Variants in PRDX6 observed in about 807,000 individuals in gnomAD.
The protein encoded by PRDX6 is peroxiredoxin-6.
In PRDX6, 13 loss-of-function variants were observed where a neutral mutation model predicts 20.0. That is an observed-to-expected ratio of 0.65 (90% confidence interval 0.42 to 1.03). The LOEUF is 1.03. PRDX6 is among the 50% of genes least tolerant of loss of function. The pLI is 0.00. For synonymous variants in PRDX6, 85 were observed against 100.8 expected (o/e 0.84, Z 0.94); for missense variants, 203 against 276.9 (o/e 0.73, Z 1.89).
chr1:173,478,914 A>G (rs1658754659), intron 1 of PRDX6, among the ~76,000 whole-genome samples: 2 of 152,232 alleles, frequency 1.3e-5, no homozygotes, highest in Admixed American at 1.3e-4. Context: ...GCAGAAAAAT[A>G]CTTTAGAAAT....
chr1:173,481,576 C>A, intron 2 of PRDX6, 94 bp downstream of exon 2: 1 of 1,306,136 alleles, frequency 7.7e-7, no homozygotes, highest in Non-Finnish European at 1.1e-6. Context: ...TACAAGTAAG[C>A]CTTAGGTTCA....
At chr1:173,477,760 C>A (rs1658725576) in intron 1 of PRDX6, among the ~76,000 whole-genome samples, 1 of 152,232 alleles carries the variant, frequency 6.6e-6, no homozygotes, top group South Asian at 2.1e-4. Context: ...CTGGGCAAGG[C>A]CACGCCAAGG....
Position 173,481,574 on chromosome 1 carries a change from A to C in PRDX6, c.252+92A>C. 2.3e-6 allele frequency: 3 copies of C among 1,317,240 alleles called. No individual in the cohort carries two copies. In the South Asian group the frequency reaches 4.0e-5, roughly 18 times the overall value. 81.6% of individuals were successfully genotyped at this position (1,317,240 alleles called of 1,614,324 possible). ...TGGTTTTGAGGTTAAGGTACAAGTA[A>C]GCCTTAGGTTCAAAGTTCACTAATT... is the stretch of plus-strand genomic sequence containing the variant. On this transcript the variant is annotated intron_variant, in intron 2 of 4. Coordinates refer to ENST00000340385, the MANE Select transcript of PRDX6 (RefSeq NM_004905.3).
chr1:173,482,981 T>C (rs2101857918), intron 2 of PRDX6, among the ~76,000 whole-genome samples: 1 of 152,354 alleles, frequency 6.6e-6, no homozygotes, highest in South Asian at 2.1e-4. Context: ...TTCTTTTTAA[T>C]GCAAGATGAT....
In PRDX6 at chr1:173,477,475, C is replaced by G. The variant is rs757661278; in HGVS notation, c.78C>G (p.His26Gln). 1.2e-6 allele frequency: 2 copies of G among 1,605,476 alleles called. No homozygotes were observed. Among genetic ancestry groups the G allele is most frequent in the Admixed American group, 3.4e-5 (2 of 59,248 alleles). Residue 26 changes from histidine to glutamine, a missense_variant, in exon 1 of 5, where the codon CAC becomes CAG. By Grantham distance (24) the His-to-Gln change is conservative. Coordinates refer to ENST00000340385, the MANE Select transcript of PRDX6 (RefSeq NM_004905.3). Reference sequence around the variant, plus strand: ...CCACCGTCGGCCGCATCCGTTTCCACGACTTTCTGGGAGACTCGTAAGTGG... The same window carrying G: ...CCACCGTCGGCCGCATCCGTTTCCAGGACTTTCTGGGAGACTCGTAAGTGG... ...ANTTVGRIRF[H>Q]DFLGDSWGIL...
intron 4 of PRDX6, 35 bp from the exon 5 acceptor site, chr1:173,487,700 G>C (rs765936016): frequency 1.4e-5 from 22 of 1,611,796 alleles, no homozygotes; most frequent in Non-Finnish European, 1.8e-5. Flanking sequence ...TTCACTATGA[G>C]ATTGAATTTC....
intron 1 of PRDX6, 49 bp downstream of exon 1, chr1:173,477,541 C>T: frequency 7.0e-7 from 1 of 1,438,616 alleles, no homozygotes; most frequent in Non-Finnish European, 9.6e-7. Flanking sequence ...GCGCCGGACT[C>T]GGAGGTGCCT....
In PRDX6 at chr1:173,487,769, CT is replaced by C; in HGVS notation, c.582del (p.Glu195LysfsTer128). The stretch of plus-strand genomic sequence containing the variant: ...AGTGTGATGGTCCTTCCAACCATCC[CT>C]GAAGAAGAAGCCAAAAAACTTTTCC... The part of the protein sequence containing the change: ...GDSVMVLPTI[P>X]EEEAKKLFPK... On this transcript the variant is annotated frameshift_variant, in exon 5 of 5. Coordinates refer to ENST00000340385, the MANE Select transcript of PRDX6 (RefSeq NM_004905.3). LOFTEE classifies it high-confidence loss of function. The C allele has an allele frequency of 6.2e-7, 1 of 1,614,106 alleles. No homozygotes were observed. Among genetic ancestry groups the C allele is most frequent in the Non-Finnish European group, 8.5e-7 (1 of 1,179,998 alleles).
rs1658943749 is a variant in PRDX6 at position 173,488,635 on chromosome 1, G to A, written c.*772G>A. The stretch of plus-strand genomic sequence containing the variant: ...TTAGTGCCATGTGCCTTTCACACAG[G>A]GTTTGCATTTATCAGTCTGTTTTCC... On this transcript the variant is annotated 3_prime_UTR_variant, in exon 5 of 5. Coordinates refer to ENST00000340385, the MANE Select transcript of PRDX6 (RefSeq NM_004905.3). 6.6e-6 allele frequency: 1 copy of A among 152,174 alleles called. No individual in the cohort carries two copies. The highest frequency in any genetic ancestry group is 1.5e-5 in the Non-Finnish European group (1 of 68,042). The allele number at this position is 152,174 out of a possible 1,614,324, so 9.4% of individuals were successfully genotyped here.
chr1:173,481,303 G>A (rs1658796879), intron 1 of PRDX6, 23 bp from the exon 2 acceptor site: 2 of 1,604,358 alleles, frequency 1.2e-6, no homozygotes, highest in African/African-American at 2.7e-5. Flanking sequence ...ATTCAATTGT[G>A]ACCTTGTTTT....
intron 1 of PRDX6, 128 bp downstream of exon 1, chr1:173,477,620 A>C (rs1163844373): frequency 1.9e-5 from 15 of 770,496 alleles, no homozygotes; most frequent in Non-Finnish European, 3.1e-5. Flanking sequence ...CTTCCCCCGC[A>C]CTGGTTCCGG....
chr1:173,487,026 T>A (rs551378349), intron 4 of PRDX6, among the ~76,000 whole-genome samples: 59 of 152,348 alleles, frequency 3.9e-4, no homozygotes, highest in African/African-American at 1.4e-3. Flanking sequence ...TATGTACTTA[T>A]TGAGCCCAGA....
chr1:173,484,601 A>G (rs569871056), intron 2 of PRDX6, among the ~76,000 whole-genome samples: 18 of 150,594 alleles, frequency 1.2e-4, no homozygotes, highest in African/African-American at 3.4e-4. Context: ...ACAAAACTAG[A>G]TTTTTTTTTT....
intron 1 of PRDX6, among the ~76,000 whole-genome samples, chr1:173,480,254 C>T (rs191107018): frequency 2.0e-3 from 297 of 152,236 alleles, no homozygotes; most frequent in Non-Finnish European, 3.4e-3. Flanking sequence ...GAGTGGCAGC[C>T]GTAAGTAGGA....
Position 173,488,204 on chromosome 1 carries a change from A to G in PRDX6, c.*341A>G, listed in dbSNP as rs1658933131. ...AAAGCTTGCTTCACTCCATCAGAGAATGACTATCAATTTTTTTTTAACTGT... is the reference window on the plus strand; with the variant it reads ...AAAGCTTGCTTCACTCCATCAGAGAGTGACTATCAATTTTTTTTTAACTGT... On this transcript the variant is annotated 3_prime_UTR_variant, in exon 5 of 5. Coordinates refer to ENST00000340385, the MANE Select transcript of PRDX6 (RefSeq NM_004905.3). 1 of 190,260 alleles carries G rather than the reference A, an allele frequency of 5.3e-6. No homozygotes were observed. Among genetic ancestry groups the G allele is most frequent in the African/African-American group, 2.3e-5 (1 of 42,708 alleles). The allele number at this position is 190,260 out of a possible 1,614,324, so 11.8% of individuals were successfully genotyped here.
intron 3 of PRDX6, 124 bp from the exon 4 acceptor site, chr1:173,486,131 C>T (rs1557997987): frequency 3.8e-6 from 3 of 791,634 alleles, no homozygotes; most frequent in East Asian, 5.9e-5. Flanking sequence ...GTGTATCCTT[C>T]TAGATGCTTT....
Position 173,486,257 on chromosome 1 carries a change from G to GT in PRDX6, c.405dup (p.Val136CysfsTer5). Reference sequence around the variant, plus strand: ...TTATGCCCCTCTGTGCTTTACAGGTGTTTGTTTTTGGTCCTGATAAGAAGC... The same window carrying GT: ...TTATGCCCCTCTGTGCTTTACAGGTGTTTTGTTTTTGGTCCTGATAAGAAGC... On this transcript the variant is annotated frameshift_variant, in exon 4 of 5. Transcript: ENST00000340385. LOFTEE classifies it high-confidence loss of function. 1 of 1,602,088 alleles carries GT rather than the reference G, an allele frequency of 6.2e-7. No individual in the cohort carries two copies. The highest frequency in any genetic ancestry group is 1.1e-5 in the South Asian group (1 of 88,656).
At position 173,478,506 on chromosome 1, in the gene PRDX6, G is replaced by C. The variant is rs1658745789; in HGVS notation, c.95+1014G>C. 4.6e-5 allele frequency among the ~76,000 whole-genome samples: 7 copies of C among 152,078 alleles called. No individual in the cohort carries two copies. The South Asian group carries it at 1.5e-3, about 32-fold the overall frequency. ...CCATTATGGATAGGAGTAGTAAATC[G>C]GTGTTGCCCTTTTTTTTTTTTAACA... On this transcript the variant is annotated intron_variant, in intron 1 of 4. Transcript: ENST00000340385.
In PRDX6 at chr1:173,484,195, C is replaced by G. The variant is rs139068499; in HGVS notation, c.253-1166C>G. Among the ~76,000 whole-genome samples the G allele has an allele frequency of 4.2e-3, 569 of 136,066 alleles. 4 individuals carry two copies. The highest frequency in any genetic ancestry group is 0.015 in the African/African-American group (542 of 35,160). The allele number at this position is 136,066 out of a possible 152,430, so 89.3% of individuals were successfully genotyped here. On this transcript the variant is annotated intron_variant, in intron 2 of 4. Coordinates refer to ENST00000340385, the MANE Select transcript of PRDX6 (RefSeq NM_004905.3). ...ATATATATACACACACACACACATA[C>G]ATATATATACATATGCACACGTATA...
Sources: allele counts gnomAD v4.1 joint callset (sites outside exome capture counted in the v4.1 genomes callset), GRCh38; gene constraint gnomAD v4.1.1; transcripts MANE v1.5; gene names NCBI Gene and HGNC (gene_info 2026-07-23, HGNC 2026-07-21).